Variants in TSPAN7 observed in about 807,000 individuals in gnomAD.
The protein encoded by TSPAN7 is tetraspanin-7.
Under a neutral mutation model 17.6 loss-of-function variants are expected in TSPAN7, and 1 was observed. The observed-to-expected ratio is 0.06, with a 90% CI of 0.02 to 0.27. TSPAN7 has a LOEUF of 0.27. Ranked by LOEUF, TSPAN7 falls within the 10% of genes least tolerant of loss-of-function variation. The pLI is 1.00. For synonymous variants in TSPAN7, 78 were observed against 79.0 expected (o/e 0.99, Z 0.07); for missense variants, 112 against 201.7 (o/e 0.56, Z 2.69).
intron 5 of TSPAN7, among the ~76,000 whole-genome samples, chrX:38,676,416 T>A (rs915557944): frequency 1.8e-5 from 2 of 111,433 alleles, no homozygotes; most frequent in African/African-American, 6.5e-5. Context: ...CTAAACGAAA[T>A]TTAAAAGTTA....
At chrX:38,679,720 C>CAA (rs5902196) in intron 5 of TSPAN7, among the ~76,000 whole-genome samples, 197 of 79,846 alleles carry the variant, frequency 2.5e-3, no homozygotes, top group African/African-American at 8.0e-3. Context: ...GACTCTGTCT[C>CAA]AAAAAAAAAA....
intron 1 of TSPAN7, among the ~76,000 whole-genome samples, chrX:38,626,705 G>A (rs761745964): frequency 4.1e-4 from 46 of 112,007 alleles, no homozygotes; most frequent in Non-Finnish European, 7.2e-4. Flanking sequence ...CTTTGGGTAG[G>A]TGTGTAGGGG....
intron 5 of TSPAN7, 47 bp downstream of exon 5, chrX:38,675,907 G>T: frequency 1.7e-6 from 2 of 1,177,196 alleles, no homozygotes; most frequent in Non-Finnish European, 2.3e-6. Context: ...TGAATGTTTG[G>T]GGGGGCTTTT....
At chrX:38,620,401 C>T (rs992269821) in intron 1 of TSPAN7, among the ~76,000 whole-genome samples, 1 of 111,809 alleles carries the variant, frequency 8.9e-6, no homozygotes, top group Admixed American at 9.5e-5. Flanking sequence ...AGGCTCTGAA[C>T]ATGTGGCTTT....
intron 3 of TSPAN7, among the ~76,000 whole-genome samples, chrX:38,672,236 A>G (rs1020529833): frequency 3.6e-5 from 4 of 111,220 alleles, no homozygotes; most frequent in African/African-American, 1.3e-4. Context: ...AAGAAAAAAA[A>G]TATATACAGG....
At chrX:38,667,988 G>A (rs1417424171) in intron 2 of TSPAN7, among the ~76,000 whole-genome samples, 1 of 112,192 alleles carries the variant, frequency 8.9e-6, no homozygotes, top group Admixed American at 9.4e-5. Context: ...CTTGTAGCCA[G>A]TATTGAGAAC....
intron 1 of TSPAN7, among the ~76,000 whole-genome samples, chrX:38,645,929 T>G (rs1436004061): frequency 8.9e-6 from 1 of 112,048 alleles, no homozygotes; most frequent in African/African-American, 3.2e-5. Flanking sequence ...ATTAGAGAAA[T>G]TATCTGTTTA....
intron 1 of TSPAN7, among the ~76,000 whole-genome samples, chrX:38,587,524 A>G (rs2069265352): frequency 8.9e-6 from 1 of 112,060 alleles, no homozygotes; most frequent in Non-Finnish European, 1.9e-5. Flanking sequence ...AAATAATATT[A>G]TATTCTAGGA....
intron 1 of TSPAN7, among the ~76,000 whole-genome samples, chrX:38,578,806 T>C (rs1258972416): frequency 9.0e-6 from 1 of 111,630 alleles, no homozygotes; most frequent in Non-Finnish European, 1.9e-5. Flanking sequence ...GCTGTTCAAA[T>C]GAGCTATCTA....
rs1300615032 is a variant in TSPAN7, at chrX:38,666,216, C to T, written c.177C>T (p.Pro59=). Residue 59 remains proline, a synonymous_variant, in exon 2 of 8, where the codon CCC becomes CCT. Coordinates refer to ENST00000378482, the MANE Select transcript of TSPAN7 (RefSeq NM_004615.4). ...TTGCCGAGAACTCCACAAATGCTCC[C>T]TATGTGCTCATCGGAACTGGCACCA... ...SLIAENSTNA[P]YVLIGTGTTI... is the part of the protein sequence containing the mutation. 2.5e-6 allele frequency: 3 copies of T among 1,209,521 alleles called. No individual in the cohort carries two copies. The highest frequency in any genetic ancestry group is 3.4e-6 in the Non-Finnish European group (3 of 895,050).
intron 1 of TSPAN7, among the ~76,000 whole-genome samples, chrX:38,606,310 C>A (rs1470621386): frequency 4.5e-5 from 5 of 112,191 alleles, no homozygotes; most frequent in Non-Finnish European, 9.4e-5. Flanking sequence ...AGAAATTAGA[C>A]TAATTCCTTT....
intron 1 of TSPAN7, among the ~76,000 whole-genome samples, chrX:38,628,336 GT>G (rs199824725): frequency 9.2e-6 from 1 of 109,037 alleles, no homozygotes; most frequent in Non-Finnish European, 1.9e-5. Context: ...TGGCAAATAT[GT>G]TTTTTTTTGT....
chrX:38,592,045 G>A (rs1381541445), intron 1 of TSPAN7, among the ~76,000 whole-genome samples: 3 of 111,588 alleles, frequency 2.7e-5, no homozygotes, highest in East Asian at 5.7e-4. Context: ...CTACATGGCT[G>A]GAGCAGGAGG....
chrX:38,584,035 G>C (rs866727322), intron 1 of TSPAN7, among the ~76,000 whole-genome samples: 1 of 94,708 alleles, frequency 1.1e-5, no homozygotes, highest in Non-Finnish European at 2.0e-5. Flanking sequence ...CTCACTGCAA[G>C]CTCCACCTCC....
At chrX:38,646,146 TAA>T in intron 1 of TSPAN7, 4 of 571,271 alleles carry the variant, frequency 7.0e-6, no homozygotes, top group Non-Finnish European at 9.6e-6. Context: ...GTACTTTCTA[TAA>T]AAAAAAAACC....
chrX:38,588,719 A>G (rs2069272902), intron 1 of TSPAN7, among the ~76,000 whole-genome samples: 1 of 111,803 alleles, frequency 8.9e-6, no homozygotes, highest in Non-Finnish European at 1.9e-5. Flanking sequence ...CCAATAAAAG[A>G]CTATTTTTTG....
At chrX:38,592,577 A>G (rs1176861323) in intron 1 of TSPAN7, among the ~76,000 whole-genome samples, 1 of 110,964 alleles carries the variant, frequency 9.0e-6, no homozygotes, top group Non-Finnish European at 1.9e-5. Context: ...GGTTCATAGT[A>G]TACATATTTA....
intron 1 of TSPAN7, among the ~76,000 whole-genome samples, chrX:38,590,576 C>T (rs2069285613): frequency 9.0e-6 from 1 of 111,486 alleles, no homozygotes; most frequent in South Asian, 3.8e-4. Context: ...AAGTTTTTAT[C>T]TATGATTTCA....
In TSPAN7 at chrX:38,687,947, G is replaced by A; in HGVS notation, c.*16G>A. The A allele has an allele frequency of 3.8e-6, 1 of 261,703 alleles. No individual in the cohort carries two copies. The highest frequency in any genetic ancestry group is 2.7e-5 in the African/African-American group (1 of 36,465). The allele number at this position is 261,703 out of a possible 1,213,427, so 21.6% of individuals were successfully genotyped here. A position where few individuals can be genotyped will look rare whatever the true frequency, so the allele number is the denominator to read the frequency against. On this transcript the variant is annotated 3_prime_UTR_variant, in exon 8 of 8. Coordinates refer to ENST00000378482, the MANE Select transcript of TSPAN7 (RefSeq NM_004615.4). Reference sequence around the variant, plus strand: ...TCTCATTTCTCTCTTAGTCTTTCAAGAATGACGGAATAAGAGACCTGTTTT... The same window carrying A: ...TCTCATTTCTCTCTTAGTCTTTCAAAAATGACGGAATAAGAGACCTGTTTT...
Sources: allele counts gnomAD v4.1 joint callset (sites outside exome capture counted in the v4.1 genomes callset), GRCh38; gene constraint gnomAD v4.1.1; transcripts MANE v1.5; gene names NCBI Gene and HGNC (gene_info 2026-07-23, HGNC 2026-07-21).